Variants in ZFHX3 observed in about 807,000 individuals in gnomAD.
ZFHX3 encodes the protein zinc finger homeobox protein 3.
Under a neutral mutation model 279.1 loss-of-function variants are expected in ZFHX3, and 42 were observed. The observed-to-expected ratio is 0.15, with a 90% CI of 0.12 to 0.19. ZFHX3 has a LOEUF of 0.19. Among genes scored for constraint, ZFHX3 ranks in the 10% least tolerant of loss-of-function variants. ZFHX3 has a pLI of 1.00. For synonymous variants in ZFHX3, 2,293 were observed against 1,957.8 expected, an observed-to-expected ratio of 1.17 and a Z score of -4.52; for missense variants, 4,981 against 4,754.0, an observed-to-expected ratio of 1.05 and a Z score of -1.40.
intron 1 of ZFHX3, among the ~76,000 whole-genome samples, chr16:73,021,194 T>C (rs1218014567): frequency 6.6e-6 from 1 of 152,128 alleles, no homozygotes; most frequent in African/African-American, 2.4e-5. Flanking sequence ...AAGGAAAGAC[T>C]GAAGGGGTTT....
intron 1 of ZFHX3, among the ~76,000 whole-genome samples, chr16:72,980,571 C>A (rs764469489): frequency 6.8e-6 from 1 of 146,462 alleles, no homozygotes; most frequent in African/African-American, 2.5e-5. Flanking sequence ...CCAGCCCGGG[C>A]AACAAGGTGA....
intron 1 of ZFHX3, among the ~76,000 whole-genome samples, chr16:73,800,999 T>A (rs1396173535): frequency 6.6e-6 from 1 of 152,144 alleles, no homozygotes; most frequent in African/African-American, 2.4e-5. Context: ...TAGAGTGCAA[T>A]AACTATAACC....
intron 1 of ZFHX3, among the ~76,000 whole-genome samples, chr16:73,055,297 T>A (rs1419664100): frequency 6.6e-6 from 1 of 152,132 alleles, no homozygotes; most frequent in Non-Finnish European, 1.5e-5. Flanking sequence ...TTCGGTATTG[T>A]GGGTTTTCTG....
At chr16:73,066,952 A>T (rs1597145722) in intron 8 of ZFHX3, among the ~76,000 whole-genome samples, 1 of 151,986 alleles carries the variant, frequency 6.6e-6, no homozygotes, top group Admixed American at 6.5e-5. Flanking sequence ...CTGGACCCCT[A>T]TGTCCCCAGG....
chr16:73,694,323 AATTTT>A (rs200539814), intron 1 of ZFHX3, among the ~76,000 whole-genome samples: 8 of 151,618 alleles, frequency 5.3e-5, no homozygotes, highest in East Asian at 3.9e-4. Flanking sequence ...GCTATCTCAA[AATTTT>A]ATTTTATTTT....
At position 72,855,000 on chromosome 16, in the gene ZFHX3, A is replaced by C. The variant is rs375220867; in HGVS notation, c.3449-25141T>G. Among the ~76,000 whole-genome samples the C allele has an allele frequency of 4.0e-5, 6 of 151,888 alleles. No homozygotes were observed. In the South Asian group the frequency reaches 1.2e-3, roughly 32 times the overall value. On this transcript the variant is annotated intron_variant, in intron 4 of 9. Transcript: ENST00000268489. ...TCAAACAACAAACTCCTATCAGTCCATCTGAGGGCAATGGGGAGATAGCAA... is the reference window on the plus strand; with the variant it reads ...TCAAACAACAAACTCCTATCAGTCCCTCTGAGGGCAATGGGGAGATAGCAA...
chr16:73,157,700 GA>G (rs905771091), intron 5 of ZFHX3, among the ~76,000 whole-genome samples: 2 of 151,988 alleles, frequency 1.3e-5, no homozygotes, highest in African/African-American at 4.8e-5. Flanking sequence ...ATTTTGAGAG[GA>G]AAAAACTGTG....
chr16:73,136,033 T>G (rs1966783665), intron 6 of ZFHX3, among the ~76,000 whole-genome samples: 1 of 152,278 alleles, frequency 6.6e-6, no homozygotes, highest in African/African-American at 2.4e-5. Flanking sequence ...AATTTTTGTA[T>G]TTTTAGTAGA....
chr16:73,151,467 C>T (rs1844350827), intron 5 of ZFHX3, among the ~76,000 whole-genome samples: 1 of 151,862 alleles, frequency 6.6e-6, no homozygotes, highest in South Asian at 2.1e-4. Flanking sequence ...TGGAGGAAGG[C>T]CTTGAGGAAC....
chr16:72,872,966 T>C (rs2038202379), intron 4 of ZFHX3, among the ~76,000 whole-genome samples: 1 of 152,198 alleles, frequency 6.6e-6, no homozygotes, highest in Admixed American at 6.5e-5. Context: ...CACAACAGCC[T>C]GGGGTCTTCT....
At chr16:73,251,836 T>TGCACACGCACATACACACCGCACACAC (rs2013505593) in intron 5 of ZFHX3, among the ~76,000 whole-genome samples, 1 of 87,304 alleles carries the variant, frequency 1.1e-5, no homozygotes, top group Non-Finnish European at 2.1e-5. Flanking sequence ...ACACACACCA[T>TGCACACGCACATACACACCGCACACAC]GCACACGCAC....
chr16:73,758,617 G>A (rs1372295692), intron 1 of ZFHX3, among the ~76,000 whole-genome samples: 3 of 152,150 alleles, frequency 2.0e-5, no homozygotes, highest in East Asian at 1.9e-4. Flanking sequence ...TAAGAGCTAG[G>A]GGAAGGATAA....
chr16:73,387,550 G>T (rs1489295795), intron 3 of ZFHX3, among the ~76,000 whole-genome samples: 2 of 151,716 alleles, frequency 1.3e-5, no homozygotes, highest in African/African-American at 2.4e-5. Context: ...TCATAACTTT[G>T]AGACTACAAT....
In ZFHX3 at chr16:73,225,998, A is replaced by G. The variant is rs539840160; in HGVS notation, c.-1104+31049T>C. On this transcript the variant is annotated intron_variant, in intron 5 of 17. Transcript: ENST00000641206. ...GAGATGTATCCTTCCTAGGAGTCCA[A>G]TGTGTTTGCCCCCAAGCCTCTTCAT... 2.6e-5 allele frequency among the ~76,000 whole-genome samples: 4 copies of G among 152,314 alleles called. No homozygotes were observed. The South Asian group carries it at 8.3e-4, about 32-fold the overall frequency.
At chr16:73,014,544 T>TTTTTTTTTTTTTTTG (rs1414520446) in intron 1 of ZFHX3, 1 of 143,392 alleles carries the variant, frequency 7.0e-6, no homozygotes, top group African/African-American at 2.6e-5. Context: ...TTTTTTTTTT[T>TTTTTTTTTTTTTTTG]TTGAGACACA....
intron 1 of ZFHX3, among the ~76,000 whole-genome samples, chr16:73,027,872 T>G (rs1164107408): frequency 1.3e-5 from 2 of 152,224 alleles, no homozygotes; most frequent in Non-Finnish European, 2.9e-5. Context: ...GCCCCTCCTG[T>G]GCTCAACTAG....
At chr16:73,165,742 C>T (rs1219736764) in intron 5 of ZFHX3, among the ~76,000 whole-genome samples, 2 of 152,094 alleles carry the variant, frequency 1.3e-5, no homozygotes, top group Admixed American at 6.5e-5. Context: ...GCTACTCTTA[C>T]GAGCTGGCCC....
intron 1 of ZFHX3, among the ~76,000 whole-genome samples, chr16:73,813,316 C>G (rs1250875610): frequency 6.6e-6 from 1 of 151,744 alleles, no homozygotes; most frequent in Non-Finnish European, 1.5e-5. Context: ...GGATTCTCAA[C>G]TGGGTGAATT....
chr16:73,035,414 T>C (rs191316186), intron 1 of ZFHX3, among the ~76,000 whole-genome samples: 5 of 152,238 alleles, frequency 3.3e-5, no homozygotes, highest in African/African-American at 1.2e-4. Flanking sequence ...TTCTCGGATA[T>C]GACTGAGACA....
Sources: gnomAD v4.1 joint callset for allele counts (sites outside exome capture counted in the v4.1 genomes callset) on GRCh38, gnomAD v4.1.1 for gene constraint, MANE v1.5 for transcripts, NCBI Gene and HGNC (gene_info 2026-07-23, HGNC 2026-07-21) for gene names.